Variants in ADAMTSL1 observed in about 807,000 individuals in gnomAD.
ADAMTSL1 encodes ADAMTS like 1.
Under a neutral mutation model 201.8 loss-of-function variants are expected in ADAMTSL1, and 126 were observed. The ratio of observed to expected loss-of-function variants is 0.62; its 90% CI spans 0.54 to 0.72. The LOEUF (loss-of-function observed/expected upper bound fraction) is 0.72, where lower values mean the gene tolerates loss of function less well. ADAMTSL1 is among the 30% of genes least tolerant of loss of function. The pLI is 0.00. For synonymous variants in ADAMTSL1, 1,121 were observed against 903.4 expected (o/e 1.24, Z -4.32); for missense variants, 2,679 against 2,277.8 (o/e 1.18, Z -3.59).
intron 23 of ADAMTSL1, among the ~76,000 whole-genome samples, chr9:18,841,800 T>C (rs936873012): frequency 1.6e-4 from 24 of 152,250 alleles, no homozygotes; most frequent in African/African-American, 5.3e-4. Context: ...ATCCATTTCT[T>C]CTAGATTTTC....
At chr9:18,371,880 TGGG>T (rs1837057831) in intron 2 of ADAMTSL1, among the ~76,000 whole-genome samples, 1 of 152,224 alleles carries the variant, frequency 6.6e-6, no homozygotes, top group African/African-American at 2.4e-5. Flanking sequence ...ACAAGGGCTC[TGGG>T]CTCAGCTCTG....
intron 2 of ADAMTSL1, among the ~76,000 whole-genome samples, chr9:18,447,422 T>G (rs2131658073): frequency 6.6e-6 from 1 of 152,186 alleles, no homozygotes; most frequent in African/African-American, 2.4e-5. Flanking sequence ...CTTGGTGTCA[T>G]TACTCATTGA....
intron 7 of ADAMTSL1, among the ~76,000 whole-genome samples, chr9:18,642,774 C>G (rs569563445): frequency 6.6e-6 from 1 of 151,966 alleles, no homozygotes; most frequent in East Asian, 1.9e-4. Flanking sequence ...CTTCTTTTTT[C>G]AAAGCTGAAT....
chr9:18,691,240 C>T (rs1473628218), intron 13 of ADAMTSL1, among the ~76,000 whole-genome samples: 1 of 152,128 alleles, frequency 6.6e-6, no homozygotes, highest in East Asian at 1.9e-4. Flanking sequence ...GATAAAATAT[C>T]AGATAGTTAA....
intron 2 of ADAMTSL1, among the ~76,000 whole-genome samples, chr9:18,414,818 T>TA (rs1415509034): frequency 6.6e-6 from 1 of 152,124 alleles, no homozygotes; most frequent in Non-Finnish European, 1.5e-5. Context: ...ACATGCCTGT[T>TA]AAAAAACCAC....
At chr9:17,917,391 G>A (rs1826138332) in intron 1 of ADAMTSL1, among the ~76,000 whole-genome samples, 2 of 151,942 alleles carry the variant, frequency 1.3e-5, no homozygotes, top group Admixed American at 1.3e-4. Flanking sequence ...TGAGGAAATT[G>A]CTTTTATTCT....
chr9:18,374,783 C>G (rs927126069), intron 2 of ADAMTSL1, among the ~76,000 whole-genome samples: 1 of 152,148 alleles, frequency 6.6e-6, no homozygotes, highest in Admixed American at 6.5e-5. Context: ...GTAGGCTTGT[C>G]CATTTATTAG....
chr9:18,404,755 T>C (rs1215642947), intron 2 of ADAMTSL1, among the ~76,000 whole-genome samples: 2 of 152,212 alleles, frequency 1.3e-5, no homozygotes, highest in Non-Finnish European at 2.9e-5. Context: ...GATTTCTAGG[T>C]GCCACCTTTG....
At chr9:18,680,628 A>C in intron 11 of ADAMTSL1, 112 bp downstream of exon 11, 1 of 1,193,554 alleles carries the variant, frequency 8.4e-7, no homozygotes, top group South Asian at 1.3e-5. Flanking sequence ...TGAGGTGTCT[A>C]GAAGCCTACC....
chr9:18,623,654 TAC>T (rs757581903), intron 5 of ADAMTSL1, among the ~76,000 whole-genome samples: 2 of 152,182 alleles, frequency 1.3e-5, no homozygotes, highest in Non-Finnish European at 2.9e-5. Context: ...CATTTTATGA[TAC>T]ACAGTCTGAC....
rs1368106892 is a variant in ADAMTSL1 at position 18,202,886 on chromosome 9, AGCTCTTTCCAGAGT to A, written c.207+38919_207+38932del. 1.5e-4 allele frequency among the ~76,000 whole-genome samples: 23 copies of A among 152,168 alleles called. No homozygotes were observed. In the East Asian group the frequency reaches 3.3e-3, roughly 22 times the overall value. On this transcript the variant is annotated intron_variant, in intron 2 of 29. Coordinates refer to the ADAMTSL1 transcript ENST00000680146. ...AAACAGATTGTCAGATGACCTCAAG[AGCTCTTTCCAGAGT>A]GCTCTTTCCAGAGCTAACTACAGAA...
At position 18,906,804 on chromosome 9, in the gene ADAMTSL1, G is replaced by A. The variant is rs1350425197; in HGVS notation, c.5074G>A (p.Val1692Met). ...CGNYGFQSRR[V>M]ECVHARTNKA... ...CAACTACGGCTTCCAGTCCCGGCGTGTGGAGTGTGTGCATGCCCGCACCAA... is the reference window on the plus strand; with the variant it reads ...CAACTACGGCTTCCAGTCCCGGCGTATGGAGTGTGTGCATGCCCGCACCAA... Residue 1692 changes from valine (V) to methionine (M), a missense_variant, in exon 28 of 29, where the codon GTG becomes ATG. Coordinates refer to ENST00000380548, the MANE Select transcript of ADAMTSL1 (RefSeq NM_001040272.6). 1.2e-6 allele frequency: 2 copies of A among 1,614,038 alleles called. No homozygotes were observed. Among genetic ancestry groups the A allele is most frequent in the East Asian group, 2.2e-5 (1 of 44,866 alleles).
intron 2 of ADAMTSL1, among the ~76,000 whole-genome samples, chr9:18,185,799 G>A (rs80173497): frequency 6.6e-6 from 1 of 152,190 alleles, no homozygotes; most frequent in African/African-American, 2.4e-5. Flanking sequence ...TACAAGCATT[G>A]GTTATGTCAT....
chr9:18,027,798 A>C (rs1415546624), intron 1 of ADAMTSL1, among the ~76,000 whole-genome samples: 1 of 152,026 alleles, frequency 6.6e-6, no homozygotes, highest in Non-Finnish European at 1.5e-5. Flanking sequence ...TCAATGATCT[A>C]ATGCTGTCAG....
chr9:18,790,536 C>G (rs1821967815), intron 19 of ADAMTSL1, among the ~76,000 whole-genome samples: 1 of 152,304 alleles, frequency 6.6e-6, no homozygotes, highest in South Asian at 2.1e-4. Context: ...ACTACACATT[C>G]CAAATGCAGA....
intron 2 of ADAMTSL1, among the ~76,000 whole-genome samples, chr9:18,325,153 G>C (rs781444580): frequency 6.6e-6 from 1 of 152,104 alleles, no homozygotes; most frequent in Non-Finnish European, 1.5e-5. Flanking sequence ...TATGTGAAGT[G>C]GTATAACCAC....
intron 4 of ADAMTSL1, among the ~76,000 whole-genome samples, chr9:18,588,548 A>T (rs1823671154): frequency 6.6e-6 from 1 of 152,052 alleles, no homozygotes; most frequent in Non-Finnish European, 1.5e-5. Flanking sequence ...CTTGTTGTGG[A>T]GCATTTCCCT....
intron 2 of ADAMTSL1, among the ~76,000 whole-genome samples, chr9:18,401,360 C>A (rs986326403): frequency 2.0e-5 from 3 of 152,204 alleles, no homozygotes; most frequent in African/African-American, 7.2e-5. Context: ...TTGATTCCCA[C>A]GGAGCCCAGT....
chr9:17,999,769 C>A (rs1448049939), intron 1 of ADAMTSL1, among the ~76,000 whole-genome samples: 5 of 149,536 alleles, frequency 3.3e-5, no homozygotes, highest in South Asian at 4.3e-4. Flanking sequence ...CCCACCCCAC[C>A]ACAGTCCCCA....
Sources: gnomAD v4.1 joint callset for allele counts (sites outside exome capture counted in the v4.1 genomes callset) on GRCh38, gnomAD v4.1.1 for gene constraint, MANE v1.5 for transcripts, NCBI Gene and HGNC (gene_info 2026-07-23, HGNC 2026-07-21) for gene names.